Variants in CSMD1 observed in about 807,000 individuals in gnomAD.
CSMD1 encodes the protein CUB and Sushi multiple domains 1, also known as CUB and sushi domain-containing protein 1.
CSMD1 carries 213 observed loss-of-function variants against 417.5 expected under a neutral mutation model. That is an observed-to-expected ratio of 0.51 (90% CI 0.46 to 0.57). CSMD1 has a LOEUF of 0.57. Ranked by LOEUF, CSMD1 falls within the 20% of genes least tolerant of loss-of-function variation. CSMD1 has a pLI of 0.00. For synonymous variants in CSMD1, 2,862 were observed against 1,736.8 expected, an observed-to-expected ratio of 1.65 and a Z score of -16.11; for missense variants, 6,923 against 4,529.7, an observed-to-expected ratio of 1.53 and a Z score of -15.17.
chr8:4,873,814 C>T (rs1802877297), intron 1 of CSMD1, among the ~76,000 whole-genome samples: 1 of 151,978 alleles, frequency 6.6e-6, no homozygotes, highest in African/African-American at 2.4e-5. Context: ...AAGGCCATTT[C>T]TTATAAGTTG....
intron 3 of CSMD1, among the ~76,000 whole-genome samples, chr8:4,083,689 T>C (rs1800265863): frequency 6.6e-6 from 1 of 152,066 alleles, no homozygotes; most frequent in Non-Finnish European, 1.5e-5. Flanking sequence ...CAAAAATCAA[T>C]TCAAGATGGA....
intron 1 of CSMD1, among the ~76,000 whole-genome samples, chr8:4,666,997 A>T (rs2724964): frequency 0.79 from 120,380 of 152,098 alleles, 48,506 homozygotes; most frequent in African/African-American, 0.94. Context: ...TATATGTAAG[A>T]ATATCAATCA....
At chr8:4,741,483 C>G (rs887552302) in intron 1 of CSMD1, among the ~76,000 whole-genome samples, 9 of 152,050 alleles carry the variant, frequency 5.9e-5, no homozygotes, top group Admixed American at 5.9e-4. Flanking sequence ...TAAACATACA[C>G]AAATATTATA....
chr8:3,684,063 ACTCT>A, intron 7 of CSMD1, among the ~76,000 whole-genome samples: 1 of 149,090 alleles, frequency 6.7e-6, no homozygotes. Flanking sequence ...AGTGATAGTT[ACTCT>A]AAACATGAAA....
intron 3 of CSMD1, among the ~76,000 whole-genome samples, chr8:4,095,919 T>A (rs1800982886): frequency 6.6e-6 from 1 of 152,218 alleles, no homozygotes; most frequent in Non-Finnish European, 1.5e-5. Context: ...TTGTTTCAGT[T>A]ATTTAAATGT....
At chr8:4,900,722 A>C (rs1470216982) in intron 1 of CSMD1, among the ~76,000 whole-genome samples, 2 of 151,966 alleles carry the variant, frequency 1.3e-5, no homozygotes, top group Non-Finnish European at 2.9e-5. Flanking sequence ...TCTCTCTTCC[A>C]CTCACGGAGT....
chr8:4,596,445 T>C (rs1800282397), intron 2 of CSMD1, among the ~76,000 whole-genome samples: 1 of 152,168 alleles, frequency 6.6e-6, no homozygotes, highest in South Asian at 2.1e-4. Context: ...GCAATTTTGA[T>C]CATTATGCAA....
intron 5 of CSMD1, among the ~76,000 whole-genome samples, chr8:3,961,501 A>G (rs1304067064): frequency 2.0e-5 from 3 of 152,168 alleles, no homozygotes; most frequent in African/African-American, 7.2e-5. Flanking sequence ...TGCGTTCATT[A>G]TTAAGATTTT....
chr8:3,492,412 A>G (rs1039499126), intron 11 of CSMD1, among the ~76,000 whole-genome samples: 6 of 152,180 alleles, frequency 3.9e-5, no homozygotes, highest in Non-Finnish European at 5.9e-5. Flanking sequence ...TCAGTAGTAT[A>G]TAAGTAGACA....
intron 2 of CSMD1, among the ~76,000 whole-genome samples, chr8:4,549,314 A>C (rs2130554739): frequency 6.6e-6 from 1 of 152,334 alleles, no homozygotes; most frequent in Admixed American, 6.5e-5. Context: ...GGGAAGGAAA[A>C]GGGTAAAAGA....
In CSMD1 at chr8:4,363,621, G is replaced by A. The variant is rs1363901374; in HGVS notation, c.415+56332C>T. 3.3e-5 allele frequency among the ~76,000 whole-genome samples: 5 copies of A among 152,152 alleles called. No homozygotes were observed. In the South Asian group the frequency reaches 6.2e-4, roughly 19 times the overall value. On this transcript the variant is annotated intron_variant, in intron 3 of 69. Coordinates refer to ENST00000635120, the MANE Select transcript of CSMD1 (RefSeq NM_033225.6). ...TCAAAGAGACAACATCAACGTCCCT[G>A]GGAAGGACGGTGCCAGGACATACAA...
chr8:4,115,816 A>G (rs997828828), intron 3 of CSMD1, among the ~76,000 whole-genome samples: 1 of 150,164 alleles, frequency 6.7e-6, no homozygotes, highest in Non-Finnish European at 1.5e-5. Context: ...ATTTCTCAGT[A>G]AAAAAAAAGC....
At chr8:4,978,477 T>C (rs1563920451) in intron 1 of CSMD1, among the ~76,000 whole-genome samples, 1 of 152,168 alleles carries the variant, frequency 6.6e-6, no homozygotes, top group Non-Finnish European at 1.5e-5. Flanking sequence ...AAACCCAGCA[T>C]CTTTGATTTC....
At chr8:3,609,653 T>A (rs1024998640) in intron 8 of CSMD1, among the ~76,000 whole-genome samples, 1 of 151,900 alleles carries the variant, frequency 6.6e-6, no homozygotes, top group African/African-American at 2.4e-5. Context: ...AGGGCTACAC[T>A]GCAAATGAGC....
intron 3 of CSMD1, among the ~76,000 whole-genome samples, chr8:4,095,194 C>T (rs866834084): frequency 2.0e-5 from 3 of 152,186 alleles, no homozygotes; most frequent in African/African-American, 7.2e-5. Context: ...CGAACACAAA[C>T]TGGTTTGGTT....
intron 3 of CSMD1, among the ~76,000 whole-genome samples, chr8:4,256,831 A>G (rs563743322): frequency 1.3e-5 from 2 of 152,316 alleles, no homozygotes; most frequent in African/African-American, 4.8e-5. Context: ...ATGAGCAAAG[A>G]ACAGCTATCC....
chr8:3,099,424 A>T (rs11994223), intron 46 of CSMD1, among the ~76,000 whole-genome samples: 4,795 of 152,238 alleles, frequency 0.031, 158 homozygotes, highest in Middle Eastern at 0.12. Flanking sequence ...TGGCAGGTTC[A>T]ATAAACTTAT....
At chr8:4,428,121 G>A (rs534330611) in intron 2 of CSMD1, among the ~76,000 whole-genome samples, 1 of 152,158 alleles carries the variant, frequency 6.6e-6, no homozygotes, top group Non-Finnish European at 1.5e-5. Context: ...TCTGATGCCT[G>A]TTTTCCTCCT....
At chr8:3,591,012 C>A (rs1800820852) in intron 8 of CSMD1, among the ~76,000 whole-genome samples, 1 of 152,090 alleles carries the variant, frequency 6.6e-6, no homozygotes, top group South Asian at 2.1e-4. Context: ...GGAAAGAAGT[C>A]TCAGAGGAAA....
Sources: allele counts gnomAD v4.1 joint callset (sites outside exome capture counted in the v4.1 genomes callset), GRCh38; gene constraint gnomAD v4.1.1; transcripts MANE v1.5; gene names NCBI Gene and HGNC (gene_info 2026-07-23, HGNC 2026-07-21).